Variants in MRPS26 observed in about 807,000 individuals in gnomAD.
MRPS26 encodes small ribosomal subunit protein mS26.
Under a neutral mutation model 22.7 loss-of-function variants are expected in MRPS26, and 26 were observed. The ratio of observed to expected loss-of-function variants is 1.15; its 90% confidence interval spans 0.84 to 1.59. The LOEUF (loss-of-function observed/expected upper bound fraction) is 1.59. Among genes scored for constraint, MRPS26 ranks in the 40% most tolerant of loss-of-function variants. The probability of loss-of-function intolerance (pLI) is 0.00; values close to 1 mark genes in which losing one functional copy is unlikely to be tolerated. For synonymous variants in MRPS26, 120 were observed against 124.0 expected (o/e 0.97, Z 0.22); for missense variants, 291 against 287.7 (o/e 1.01, Z -0.08).
chr20:3,046,445 C>A lies in MRPS26; in HGVS notation c.285C>A (p.Ala95=). The change falls in exon 2 of 4, where the codon GCC becomes GCA. Residue 95 remains alanine, a synonymous_variant. Coordinates refer to ENST00000380325, the MANE Select transcript of MRPS26 (RefSeq NM_030811.4). ...ARAGVLAERK[A]LKDAAEHREL... ...CCGGGGTTCTGGCGGAGCGCAAGGC[C>A]CTGAAGGACGCCGCCGAGCACCGCG... 6.2e-7 allele frequency: 1 copy of A among 1,600,986 alleles called. No individual in the cohort carries two copies. Among genetic ancestry groups the A allele is most frequent in the Non-Finnish European group, 8.5e-7 (1 of 1,176,644 alleles).
At chr20:3,046,920 A>G (rs2065991931) in intron 3 of MRPS26, among the ~76,000 whole-genome samples, 183 bp downstream of exon 3, 1 of 152,218 alleles carries the variant, frequency 6.6e-6, no homozygotes, top group African/African-American at 2.4e-5. Context: ...GTAATTGGAC[A>G]GTGTTCAGGT....
rs1050211529 is a variant in MRPS26, at chr20:3,046,722, A to C, written c.468A>C (p.Glu156Asp). ...VQAWAQRKER[E>D]VLQLQEEVKN... The stretch of plus-strand genomic sequence containing the variant: ...CCTGGGCGCAGCGCAAGGAGCGGGA[A>C]GTGCTGCAGCTGCAGGTGGGCAACG... The change falls in exon 3 of 4, where the codon GAA becomes GAC. Residue 156 changes from glutamate (E) to aspartate (D), a missense_variant. By Grantham distance (45) the Glu-to-Asp change is conservative. Coordinates refer to ENST00000380325, the MANE Select transcript of MRPS26 (RefSeq NM_030811.4). The C allele has an allele frequency of 6.5e-7, 1 of 1,542,296 alleles. No individual in the cohort carries two copies. Among genetic ancestry groups the C allele is most frequent in the Non-Finnish European group, 8.7e-7 (1 of 1,145,200 alleles).
At chr20:3,046,779 C>T (rs1430449001) in intron 3 of MRPS26, 42 bp downstream of exon 3, 28 of 1,525,296 alleles carry the variant, frequency 1.8e-5, no homozygotes, top group Non-Finnish European at 2.5e-5. Flanking sequence ...GCCGGGGACG[C>T]GGCTTGCGGG....
In MRPS26 at chr20:3,046,165, C is replaced by T. The variant is rs1438764180; in HGVS notation, c.97C>T (p.Pro33Ser). ...GCGCGGCCGCAAGACCCGCCACGAC[C>T]CGCTGGCCAAATCCAAGATCGAGCG... Reference protein sequence around the residue: ...PARGRKTRHDPLAKSKIERVN... With the variant: ...PARGRKTRHDSLAKSKIERVN... The change falls in exon 1 of 4, where the codon CCG (proline) becomes TCG (serine). Residue 33 changes from proline to serine, a missense_variant. Pro to Ser is a moderately conservative substitution (Grantham distance 74). Coordinates refer to ENST00000380325, the MANE Select transcript of MRPS26 (RefSeq NM_030811.4). 1 of 1,598,438 alleles carries T rather than the reference C, an allele frequency of 6.3e-7. No individual in the cohort carries two copies. The highest frequency in any genetic ancestry group is 1.1e-5 in the South Asian group (1 of 90,994).
Position 3,046,100 on chromosome 20 carries a change from G to T in MRPS26, c.32G>T (p.Gly11Val), listed in dbSNP as rs1172937125. 2 of 1,548,660 alleles carry T rather than the reference G, an allele frequency of 1.3e-6. No individual in the cohort carries two copies. The highest frequency in any genetic ancestry group is 1.2e-5 in the South Asian group (1 of 85,764). Residue 11 changes from glycine (G) to valine (V), a missense_variant, in exon 1 of 4, where the codon GGG becomes GTG. By Grantham distance (109) the Gly-to-Val change is moderately radical (BLOSUM62 -3). Coordinates refer to ENST00000380325, the MANE Select transcript of MRPS26 (RefSeq NM_030811.4). ...CGCGCGCTGAGCCGCCTGGGCGCGG[G>T]GACCCCGTGCAGGCCCCGGGCCCCT... MLRALSRLGA[G>V]TPCRPRAPLV...
At chr20:3,047,656 G>T (rs2065995259) in intron 3 of MRPS26, 79 bp from the exon 4 acceptor site, 4 of 1,589,128 alleles carry the variant, frequency 2.5e-6, no homozygotes, top group African/African-American at 1.4e-5. Context: ...TCTCAGTGGG[G>T]TGAGAGGCCA....
In MRPS26 at chr20:3,046,119, G is replaced by C; in HGVS notation, c.51G>C (p.Arg17=). The C allele has an allele frequency of 6.3e-7, 1 of 1,578,682 alleles. No homozygotes were observed. Among genetic ancestry groups the C allele is most frequent in the African/African-American group, 1.3e-5 (1 of 74,286 alleles). The change falls in exon 1 of 4, where the codon CGG becomes CGC. Residue 17 remains arginine (R), a synonymous_variant. Coordinates refer to ENST00000380325, the MANE Select transcript of MRPS26 (RefSeq NM_030811.4). Reference sequence around the variant, plus strand: ...GCGCGGGGACCCCGTGCAGGCCCCGGGCCCCTCTGGTGCTGCCAGCGCGCG... The same window carrying C: ...GCGCGGGGACCCCGTGCAGGCCCCGCGCCCCTCTGGTGCTGCCAGCGCGCG... ...RLGAGTPCRP[R]APLVLPARGR...
Position 3,046,192 on chromosome 20 carries a change from G to C in MRPS26, c.124G>C (p.Val42Leu), listed in dbSNP as rs544473860. 3 of 1,601,056 alleles carry C rather than the reference G, an allele frequency of 1.9e-6. No individual in the cohort carries two copies. The highest frequency in any genetic ancestry group is 2.7e-5 in the African/African-American group (2 of 74,912). ...DPLAKSKIER[V>L]NMPPAVDPAE... is the part of the protein sequence containing the mutation. The stretch of plus-strand genomic sequence containing the variant: ...GCTGGCCAAATCCAAGATCGAGCGA[G>C]TGAACATGCCGCCCGCGGTGGACCC... Residue 42 changes from valine to leucine, a missense_variant, in exon 1 of 4, where the codon GTG (valine) becomes CTG (leucine). Physicochemically the swap from Val to Leu is conservative, Grantham distance 32. Transcript: ENST00000380325.
Position 3,046,717 on chromosome 20 carries a change from CG to C in MRPS26, c.466del (p.Glu156LysfsTer9). ...GCAGGCCTGGGCGCAGCGCAAGGAG[CG>C]GGAAGTGCTGCAGCTGCAGGTGGGC... is the stretch of plus-strand genomic sequence containing the variant. Reference protein sequence around the residue: ...EVQAWAQRKEREVLQLQEEVK... With the variant: ...EVQAWAQRKEXEVLQLQEEVK... On this transcript the variant is annotated frameshift_variant, in exon 3 of 4. Coordinates refer to ENST00000380325, the MANE Select transcript of MRPS26 (RefSeq NM_030811.4). LOFTEE classifies it high-confidence loss of function. 1 of 1,543,052 alleles carries C rather than the reference CG, an allele frequency of 6.5e-7. No individual in the cohort carries two copies. Among genetic ancestry groups the C allele is most frequent in the East Asian group, 2.4e-5 (1 of 40,868 alleles).
chr20:3,047,715 G>A lies in MRPS26; in HGVS notation c.484-20G>A. The stretch of plus-strand genomic sequence containing the variant: ...ATGTGCCCAAGGCTCCTGTTCAGCT[G>A]GGCTTTTCTCTCCCGATAGGAAGAG... On this transcript the variant is annotated intron_variant, in intron 3 of 3. Coordinates refer to ENST00000380325, the MANE Select transcript of MRPS26 (RefSeq NM_030811.4). 1 of 1,613,238 alleles carries A rather than the reference G, an allele frequency of 6.2e-7. No homozygotes were observed. The highest frequency in any genetic ancestry group is 8.5e-7 in the Non-Finnish European group (1 of 1,179,692).
At chr20:3,047,647 C>G (rs754550791) in intron 3 of MRPS26, 88 bp from the exon 4 acceptor site, 1 of 1,554,378 alleles carries the variant, frequency 6.4e-7, no homozygotes, top group Non-Finnish European at 8.6e-7. Flanking sequence ...GAGCTGCTTT[C>G]TCAGTGGGGT....
In MRPS26 at chr20:3,046,391, G is replaced by T. The variant is rs1409266118; in HGVS notation, c.231G>T (p.Glu77Asp). 4 of 1,608,940 alleles carry T rather than the reference G, an allele frequency of 2.5e-6. No homozygotes were observed. The highest frequency in any genetic ancestry group is 3.4e-6 in the Non-Finnish European group (4 of 1,178,804). The change falls in exon 2 of 4, where the codon GAG (glutamate) becomes GAT (aspartate). Residue 77 changes from glutamate to aspartate, a missense_variant. Glu to Asp is a conservative substitution (Grantham distance 45). Coordinates refer to ENST00000380325, the MANE Select transcript of MRPS26 (RefSeq NM_030811.4). ...CACCCAGGATGGAGTTCGTGTCCGA[G>T]GTGCAGAGGAAGGTGCACGAGGCCC... ...VRALRMEFVSEVQRKVHEARA... is the reference protein window; with the variant it reads ...VRALRMEFVSDVQRKVHEARA...
At chr20:3,047,576 G>C (rs1000546524) in intron 3 of MRPS26, among the ~76,000 whole-genome samples, 159 bp from the exon 4 acceptor site, 3 of 152,160 alleles carry the variant, frequency 2.0e-5, no homozygotes, top group Non-Finnish European at 4.4e-5. Context: ...ACTCCACTGG[G>C]AGGCCAGAGG....
intron 3 of MRPS26, 68 bp downstream of exon 3, chr20:3,046,805 G>C (rs969127545): frequency 6.6e-7 from 1 of 1,515,180 alleles, no homozygotes; most frequent in Non-Finnish European, 8.8e-7. Context: ...GGGAATTCTG[G>C]GCACCGCGAC....
At chr20:3,046,856 C>T in intron 3 of MRPS26, 119 bp downstream of exon 3, 1 of 1,447,170 alleles carries the variant, frequency 6.9e-7, no homozygotes. Flanking sequence ...GTTGGCAGGT[C>T]CGGATTTGGA....
Position 3,047,892 on chromosome 20 carries a change from G to T in MRPS26, c.*23G>T. 1 of 1,581,590 alleles carries T rather than the reference G, an allele frequency of 6.3e-7. No homozygotes were observed. The highest frequency in any genetic ancestry group is 8.5e-7 in the Non-Finnish European group (1 of 1,169,766). ...TAGGGGCCCAGTAAGGACAGTGCCC[G>T]CCAGGGACCATGTATGTATCATGGC... On this transcript the variant is annotated 3_prime_UTR_variant, in exon 4 of 4. Coordinates refer to ENST00000380325, the MANE Select transcript of MRPS26 (RefSeq NM_030811.4).
chr20:3,046,622 G>T lies in MRPS26; in HGVS notation c.368G>T (p.Arg123Met). The T allele has an allele frequency of 1.9e-6, 3 of 1,540,688 alleles. No homozygotes were observed. The highest frequency in any genetic ancestry group is 2.6e-6 in the Non-Finnish European group (3 of 1,140,502). The change falls in exon 3 of 4, where the codon AGG (arginine) becomes ATG (methionine). Residue 123 changes from arginine to methionine, a missense_variant. By Grantham distance (91) the Arg-to-Met change is moderately conservative. Coordinates refer to ENST00000380325, the MANE Select transcript of MRPS26 (RefSeq NM_030811.4). ...CCCTTTGACCCTCACAGGATAGCGA[G>T]GCTGCGGCAGGAGGAGCGGGAGCAG... The part of the protein sequence containing the change: ...NRRLHELRIA[R>M]LRQEEREQEQ...
intron 1 of MRPS26, 28 bp downstream of exon 1, chr20:3,046,308 C>T (rs777339599): frequency 5.6e-6 from 9 of 1,604,354 alleles, no homozygotes; most frequent in Admixed American, 1.7e-5. Context: ...GGTGGCCGCC[C>T]GCGCGCGCTG....
Position 3,047,959 on chromosome 20 carries a change from C to T in MRPS26, c.*90C>T. ...ACCTGGAATAAAGCAGTTGGTGTTG[C>T]TTATGAGGAAGGTTCAGCCTTATCC... is the stretch of plus-strand genomic sequence containing the variant. On this transcript the variant is annotated 3_prime_UTR_variant, in exon 4 of 4. Coordinates refer to ENST00000380325, the MANE Select transcript of MRPS26 (RefSeq NM_030811.4). 2 of 1,454,044 alleles carry T rather than the reference C, an allele frequency of 1.4e-6. No individual in the cohort carries two copies. The highest frequency in any genetic ancestry group is 1.8e-6 in the Non-Finnish European group (2 of 1,094,266). The allele number at this position is 1,454,044 out of a possible 1,614,324, so 90.1% of individuals were successfully genotyped here. A position where few individuals can be genotyped will look rare whatever the true frequency, so the allele number is the denominator to read the frequency against.
Sources: allele counts gnomAD v4.1 joint callset (sites outside exome capture counted in the v4.1 genomes callset), GRCh38; gene constraint gnomAD v4.1.1; transcripts MANE v1.5; gene names NCBI Gene and HGNC (gene_info 2026-07-23, HGNC 2026-07-21).